Variants in GIT1 observed in about 807,000 individuals in gnomAD.
The protein encoded by GIT1 is GIT ArfGAP 1, also known as ARF GTPase-activating protein GIT1.
In GIT1, 14 loss-of-function variants were observed where a neutral mutation model predicts 91.7. That is an observed-to-expected ratio of 0.15 (90% CI 0.10 to 0.24). The LOEUF (loss-of-function observed/expected upper bound fraction) is 0.24, where lower values mean the gene tolerates loss of function less well. Among genes scored for constraint, GIT1 ranks in the 10% least tolerant of loss-of-function variants. The probability of loss-of-function intolerance (pLI) is 1.00; values close to 1 mark genes in which losing one functional copy is unlikely to be tolerated. For missense variants in GIT1, 717 were observed against 1,024.9 expected (o/e 0.70, Z 4.10); for synonymous variants, 414 against 418.2 (o/e 0.99, Z 0.12).
chr17:29,581,309 C>A lies in GIT1; in HGVS notation c.761+29G>T. ...CCACCCACATGGCATCCAACAGCCT[C>A]TGGAAAGGGGCATCAGGTGGGCACT... is the stretch of plus-strand genomic sequence containing the variant. On this transcript the variant is annotated intron_variant, in intron 7 of 19. Transcript: ENST00000225394. This position sits in a 1 kb window ranked among gnomAD's most constrained non-coding sequence, Gnocchi z 4.8. 2 of 1,589,100 alleles carry A rather than the reference C, an allele frequency of 1.3e-6. No individual in the cohort carries two copies. The highest frequency in any genetic ancestry group is 1.3e-5 in the African/African-American group (1 of 74,552).
Position 29,581,555 on chromosome 17 carries a change from C to T in GIT1, c.719-175G>A. 1 of 703,812 alleles carries T rather than the reference C, an allele frequency of 1.4e-6. No homozygotes were observed. The highest frequency in any genetic ancestry group is 2.5e-6 in the Non-Finnish European group (1 of 398,924). 43.6% of individuals were successfully genotyped at this position (703,812 alleles called of 1,614,324 possible). Reference sequence around the variant, plus strand: ...CGTGGGAGGATGCAGGATGCCCACCCCCACTCCCTAGCCCCAGCGATGCTA... The same window carrying T: ...CGTGGGAGGATGCAGGATGCCCACCTCCACTCCCTAGCCCCAGCGATGCTA... On this transcript the variant is annotated intron_variant, in intron 6 of 19. Transcript: ENST00000225394. This position sits in a 1 kb window ranked among gnomAD's most constrained non-coding sequence, Gnocchi z 4.8.
chr17:29,577,115 C>A (rs1292916056), intron 11 of GIT1, 21 bp downstream of exon 11: 3 of 1,610,004 alleles, frequency 1.9e-6, no homozygotes, highest in Non-Finnish European at 2.5e-6. Flanking sequence ...CTTCCCACAC[C>A]CTCCCACACA....
At chr17:29,577,070 G>A in intron 11 of GIT1, 66 bp downstream of exon 11, 2 of 1,605,708 alleles carry the variant, frequency 1.2e-6, no homozygotes, top group South Asian at 1.1e-5. Context: ...CTGGCAGGGA[G>A]AGCCATGCAG....
chr17:29,585,202 C>A (rs1360297678), intron 1 of GIT1, among the ~76,000 whole-genome samples: 2 of 152,038 alleles, frequency 1.3e-5, no homozygotes, highest in African/African-American at 2.4e-5. Flanking sequence ...TAGTGAGGCA[C>A]CCCAGGTGTG....
chr17:29,589,037 G>A lies in GIT1; in HGVS notation c.52+290C>T, dbSNP rs1405851896. ...GGCGCTTCCGTCGGATACAGAGATG[G>A]AGGTGGAGGAGCAGCCAGCTGCCCG... On this transcript the variant is annotated intron_variant, in intron 1 of 19. Transcript: ENST00000225394. The surrounding 1 kb of genome is among the most constrained non-coding windows in gnomAD (Gnocchi z 5.2). 6.6e-6 allele frequency among the ~76,000 whole-genome samples: 1 copy of A among 152,204 alleles called. No individual in the cohort carries two copies. The highest frequency in any genetic ancestry group is 2.4e-5 in the African/African-American group (1 of 41,462).
Position 29,589,008 on chromosome 17 carries a change from G to A in GIT1, c.52+319C>T, listed in dbSNP as rs893092747. Among the ~76,000 whole-genome samples the A allele has an allele frequency of 2.0e-5, 3 of 152,222 alleles. No individual in the cohort carries two copies. The highest frequency in any genetic ancestry group is 2.0e-4 in the Admixed American group (3 of 15,292). ...CCGCCACGGCCCTCCTGCCACCCCA[G>A]GCTGGCGCTTCCGTCGGATACAGAG... On this transcript the variant is annotated intron_variant, in intron 1 of 19. Coordinates refer to ENST00000225394, the MANE Select transcript of GIT1 (RefSeq NM_014030.4). The surrounding 1 kb of genome is among the most constrained non-coding windows in gnomAD (Gnocchi z 5.2).
In GIT1 at chr17:29,574,818, G is replaced by A. The variant is rs761711973; in HGVS notation, c.2170C>T (p.Pro724Ser). The A allele has an allele frequency of 3.7e-6, 6 of 1,610,868 alleles. No homozygotes were observed. In the Admixed American group the frequency reaches 1.0e-4, roughly 27 times the overall value. ...SECRKTVPPE[P>S]GAPVDFQLLT... The stretch of plus-strand genomic sequence containing the variant: ...AGCTGGAAGTCCACTGGGGCGCCGG[G>A]CTCTGGGGGCACTGTCTTCCGGCAC... Residue 724 changes from proline to serine, a missense_variant, in exon 20 of 20, where the codon CCC (proline) becomes TCC (serine). Transcript: ENST00000225394.
intron 1 of GIT1, among the ~76,000 whole-genome samples, chr17:29,588,616 C>CGGTGAA: frequency 6.6e-6 from 1 of 152,170 alleles, no homozygotes; most frequent in Admixed American, 6.5e-5. Context: ...GCTCACTTTC[C>CGGTGAA]CAAGCAGGCC....
intron 1 of GIT1, among the ~76,000 whole-genome samples, chr17:29,588,131 C>T (rs913143001): frequency 2.0e-5 from 3 of 152,190 alleles, no homozygotes; most frequent in East Asian, 3.8e-4. Context: ...GAGGCTCAAC[C>T]GGTGGGGTCC....
chr17:29,583,607 C>T lies in GIT1; in HGVS notation c.62G>A (p.Trp21Ter). The change falls in exon 2 of 20, where the codon TGG becomes TAG. Residue 21 changes from tryptophan (W) to a stop codon, truncating the protein, a stop_gained. Coordinates refer to ENST00000225394, the MANE Select transcript of GIT1 (RefSeq NM_014030.4). LOFTEE classifies it high-confidence loss of function. ...CADCSAPDPG[W>*]ASISRGVLVC... Reference sequence around the variant, plus strand: ...CAGCACACCCCTGCTGATGGATGCCCAGCCAGGGTCTGCCAGGGTGAGGGC... The same window carrying T: ...CAGCACACCCCTGCTGATGGATGCCTAGCCAGGGTCTGCCAGGGTGAGGGC... 1 of 1,592,254 alleles carries T rather than the reference C, an allele frequency of 6.3e-7. No homozygotes were observed. Among genetic ancestry groups the T allele is most frequent in the Non-Finnish European group, 8.5e-7 (1 of 1,170,896 alleles).
chr17:29,585,768 G>A (rs754331292), intron 1 of GIT1, among the ~76,000 whole-genome samples: 12 of 152,152 alleles, frequency 7.9e-5, no homozygotes, highest in South Asian at 4.1e-4. Flanking sequence ...GGATCCTTGC[G>A]TCAAGAAGCT....
At chr17:29,577,077 G>T (rs2033236222) in intron 11 of GIT1, 59 bp downstream of exon 11, 2 of 1,606,442 alleles carry the variant, frequency 1.2e-6, no homozygotes, top group Non-Finnish European at 1.7e-6. Flanking sequence ...GGAGAGCCAT[G>T]CAGGAAAGAC....
At position 29,589,408 on chromosome 17, in the gene GIT1, G is replaced by C; in HGVS notation, c.-30C>G. The C allele has an allele frequency of 1.0e-6, 1 of 962,882 alleles. No homozygotes were observed. The highest frequency in any genetic ancestry group is 1.2e-6 in the Non-Finnish European group (1 of 809,094). The allele number at this position is 962,882 out of a possible 1,614,324, so 59.6% of individuals were successfully genotyped here. ...AGCGGCGACGCGGCCGCAGCCCTCT[G>C]GGCCAGCGTGGGGGGCGCGGGCGGC... On this transcript the variant is annotated 5_prime_UTR_variant, in exon 1 of 20. Transcript: ENST00000225394. The surrounding 1 kb of genome is among the most constrained non-coding windows in gnomAD (Gnocchi z 5.2).
intron 8 of GIT1, 99 bp from the exon 9 acceptor site, chr17:29,578,470 T>G (rs1408254144): frequency 9.1e-7 from 1 of 1,103,074 alleles, no homozygotes; most frequent in African/African-American, 1.5e-5. Context: ...ACCGGTGGCC[T>G]TCCTTGTGCT....
In GIT1 at chr17:29,589,228, C is replaced by T; in HGVS notation, c.52+99G>A. The T allele has an allele frequency of 3.0e-6, 1 of 337,578 alleles. No homozygotes were observed. The highest frequency in any genetic ancestry group is 4.2e-6 in the Non-Finnish European group (1 of 236,444). 20.9% of individuals were successfully genotyped at this position (337,578 alleles called of 1,614,324 possible). On this transcript the variant is annotated intron_variant, in intron 1 of 19. Transcript: ENST00000225394. This position sits in a 1 kb window ranked among gnomAD's most constrained non-coding sequence, Gnocchi z 5.2. ...CTGGAGGCCGCAGCCCCCCGCCCCG[C>T]CCAGCCCTCCGGCCCCGCACAGCGC...
rs182263708 is a variant in GIT1, at chr17:29,580,849, C to T, written c.761+489G>A. 3.6e-4 allele frequency among the ~76,000 whole-genome samples: 54 copies of T among 151,582 alleles called. 1 individual carries two copies. In the East Asian group the frequency reaches 8.7e-3, roughly 25 times the overall value. ...AGGCTGGAGTGCAATGGCGTGCTCT[C>T]GGCTCACCGCAACCTCTACCTCCTG... On this transcript the variant is annotated intron_variant, in intron 7 of 19. Transcript: ENST00000225394.
intron 4 of GIT1, 21 bp from the exon 5 acceptor site, chr17:29,582,165 A>C (rs761639631): frequency 5.3e-6 from 8 of 1,521,166 alleles, no homozygotes; most frequent in Non-Finnish European, 7.1e-6. Flanking sequence ...CAGAGTGTGC[A>C]GTGAATACGC....
chr17:29,576,551 T>C lies in GIT1; in HGVS notation c.1351A>G (p.Ser451Gly). The C allele has an allele frequency of 1.9e-6, 3 of 1,613,948 alleles. No individual in the cohort carries two copies. The highest frequency in any genetic ancestry group is 1.1e-5 in the South Asian group (1 of 91,080). Reference sequence around the variant, plus strand: ...CGCTGCAGCCTCCGGAGCTCGTCGCTCAGGCTACTGTTGACCTTCATGAGC... The same window carrying C: ...CGCTGCAGCCTCCGGAGCTCGTCGCCCAGGCTACTGTTGACCTTCATGAGC... ...QQLMKVNSSLSDELRRLQREI... is the reference protein window; with the variant it reads ...QQLMKVNSSLGDELRRLQREI... The change falls in exon 13 of 20, where the codon AGC (serine) becomes GGC (glycine). Residue 451 changes from serine to glycine, a missense_variant. Transcript: ENST00000225394.
chr17:29,582,723 C>G lies in GIT1; in HGVS notation c.380G>C (p.Gly127Ala), dbSNP rs961549292. The change falls in exon 4 of 20, where the codon GGA becomes GCA. Residue 127 changes from glycine to alanine, a missense_variant. Transcript: ENST00000225394. ...VHKLPCRDDDGVTAKDLSKQL... is the reference protein window; with the variant it reads ...VHKLPCRDDDAVTAKDLSKQL... ...CTTGCTGAGGTCTTTGGCGGTGACTCCATCATCGTCCCGGCAGGGAAGCTT... is the reference window on the plus strand; with the variant it reads ...CTTGCTGAGGTCTTTGGCGGTGACTGCATCATCGTCCCGGCAGGGAAGCTT... 3.9e-5 allele frequency: 63 copies of G among 1,613,154 alleles called. No homozygotes were observed. Among genetic ancestry groups the G allele is most frequent in the Non-Finnish European group, 5.3e-5 (63 of 1,179,618 alleles).
Sources: gnomAD v4.1 joint callset for allele counts (sites outside exome capture counted in the v4.1 genomes callset) on GRCh38, gnomAD v4.1.1 for gene constraint, Gnocchi (gnomAD v3.1) non-coding constraint, MANE v1.5 for transcripts, NCBI Gene and HGNC (gene_info 2026-07-23, HGNC 2026-07-21) for gene names.